The following ZFHX4 variants were observed in gnomAD, a reference collection of about 807,000 sequenced individuals.
ZFHX4 encodes the protein zinc finger homeobox protein 4.
Under a neutral mutation model 267.6 loss-of-function variants are expected in ZFHX4, and 56 were observed. The ratio of observed to expected loss-of-function variants is 0.21; its 90% confidence interval spans 0.17 to 0.26. ZFHX4 has a LOEUF of 0.26. ZFHX4 is among the 10% of genes least tolerant of loss of function. The pLI, the probability that ZFHX4 is intolerant of heterozygous loss-of-function variation, is 1.00. For missense variants in ZFHX4, 4,332 were observed against 4,420.0 expected (o/e 0.98, Z 0.56); for synonymous variants, 1,778 against 1,665.6 (o/e 1.07, Z -1.64).
At chr8:76,814,218 A>G (rs992723387) in intron 4 of ZFHX4, among the ~76,000 whole-genome samples, 4 of 152,188 alleles carry the variant, frequency 2.6e-5, no homozygotes, top group Non-Finnish European at 4.4e-5. Flanking sequence ...TTACAGGTGT[A>G]TACCACCCTG....
chr8:76,858,821 G>A (rs771095066), intron 10 of ZFHX4, among the ~76,000 whole-genome samples: 8 of 152,192 alleles, frequency 5.3e-5, no homozygotes, highest in African/African-American at 9.7e-5. Flanking sequence ...GCCCTGGGCC[G>A]TTGCTACAAT....
intron 3 of ZFHX4, among the ~76,000 whole-genome samples, chr8:76,714,929 A>AT (rs1205868652): frequency 6.6e-5 from 10 of 152,152 alleles, no homozygotes; most frequent in African/African-American, 2.2e-4. Context: ...GTTTCCATGC[A>AT]TTTTTTCAGC....
intron 1 of ZFHX4, among the ~76,000 whole-genome samples, chr8:76,695,181 G>C (rs1807925444): frequency 6.6e-6 from 1 of 152,150 alleles, no homozygotes; most frequent in Non-Finnish European, 1.5e-5. Flanking sequence ...CAGGCTACAG[G>C]CCAGAAACTA....
chr8:76,855,024 A>G lies in ZFHX4; in HGVS notation c.8103A>G (p.Glu2701=), dbSNP rs1812673425. ...ESHIRSRHWN[E]GKQAGYSLPP... is the part of the protein sequence containing the mutation. ...ACATTCGCTCTCGGCACTGGAATGAAGGAAAGCAGGCAGGTTACAGCTTGC... is the reference window on the plus strand; with the variant it reads ...ACATTCGCTCTCGGCACTGGAATGAGGGAAAGCAGGCAGGTTACAGCTTGC... The change falls in exon 10 of 11, where the codon GAA becomes GAG. Residue 2701 remains glutamate, a synonymous_variant. Transcript: ENST00000651372. The G allele has an allele frequency of 2.5e-6, 4 of 1,614,002 alleles. No homozygotes were observed. The East Asian group carries it at 8.9e-5, about 36-fold the overall frequency.
At chr8:76,697,447 C>G (rs1807988625) in intron 1 of ZFHX4, among the ~76,000 whole-genome samples, 1 of 151,938 alleles carries the variant, frequency 6.6e-6, no homozygotes, top group Non-Finnish European at 1.5e-5. Flanking sequence ...ACTACGCACT[C>G]TTAGATATGC....
At chr8:76,775,938 C>T (rs1196659413) in intron 3 of ZFHX4, among the ~76,000 whole-genome samples, 1 of 146,264 alleles carries the variant, frequency 6.8e-6, no homozygotes, top group East Asian at 2.1e-4. Flanking sequence ...CAAATTAAAA[C>T]TCACAGTTGA....
intron 3 of ZFHX4, among the ~76,000 whole-genome samples, chr8:76,774,680 TA>T (rs944802823): frequency 1.3e-5 from 2 of 152,066 alleles, no homozygotes; most frequent in African/African-American, 4.8e-5. Flanking sequence ...TTATGATTTT[TA>T]AAAAAGAATA....
rs1322205968 is a variant in ZFHX4 at position 76,866,125 on chromosome 8, A to G, written c.*1560A>G. On this transcript the variant is annotated 3_prime_UTR_variant, in exon 11 of 11. Transcript: ENST00000651372. ...AAACAATGTGATTCATTCCAAAGTA[A>G]CAGAAGGTTATTTGTAAGAAAGTTA... 6.6e-6 allele frequency: 1 copy of G among 152,654 alleles called. No homozygotes were observed. Among genetic ancestry groups the G allele is most frequent in the Non-Finnish European group, 1.5e-5 (1 of 68,042 alleles). 9.5% of individuals were successfully genotyped at this position (152,654 alleles called of 1,614,324 possible).
chr8:76,729,567 T>A (rs1016429999), intron 3 of ZFHX4, among the ~76,000 whole-genome samples: 2 of 152,310 alleles, frequency 1.3e-5, no homozygotes, highest in Admixed American at 1.3e-4. Context: ...ATTGGAAAAG[T>A]ACTCCCATGA....
At chr8:76,802,746 C>A in intron 4 of ZFHX4, among the ~76,000 whole-genome samples, 1 of 152,138 alleles carries the variant, frequency 6.6e-6, no homozygotes, top group East Asian at 1.9e-4. Flanking sequence ...ACTTTGGATT[C>A]AAGATTATCA....
chr8:76,790,632 T>C (rs1810809987), intron 4 of ZFHX4, among the ~76,000 whole-genome samples: 1 of 152,210 alleles, frequency 6.6e-6, no homozygotes, highest in Admixed American at 6.6e-5. Context: ...AATTATCTTC[T>C]AATGAATCAA....
intron 5 of ZFHX4, chr8:76,834,468 G>A (rs561359257): frequency 6.2e-6 from 1 of 162,256 alleles, no homozygotes; most frequent in Non-Finnish European, 1.4e-5. Flanking sequence ...GTTTTTATTT[G>A]CATTTCCCTG....
chr8:76,808,892 G>A (rs1303507970), intron 4 of ZFHX4, among the ~76,000 whole-genome samples: 1 of 150,030 alleles, frequency 6.7e-6, no homozygotes, highest in Admixed American at 6.6e-5. Flanking sequence ...CTCTGTCTCT[G>A]TCTCTCTCTA....
intron 6 of ZFHX4, among the ~76,000 whole-genome samples, chr8:76,843,647 T>C (rs1198084256): frequency 6.6e-6 from 1 of 152,186 alleles, no homozygotes; most frequent in Non-Finnish European, 1.5e-5. Flanking sequence ...GTTGGACTCA[T>C]TGAAGCAGAA....
intron 1 of ZFHX4, among the ~76,000 whole-genome samples, chr8:76,701,838 C>G (rs75619555): frequency 0.013 from 1,959 of 152,180 alleles, 16 homozygotes; most frequent in Non-Finnish European, 0.02. Context: ...TCATGCCTAG[C>G]AGGTTACCCT....
At chr8:76,683,934 G>A (rs1279977308) in intron 1 of ZFHX4, 1 of 151,786 alleles carries the variant, frequency 6.6e-6, no homozygotes, top group African/African-American at 2.4e-5. Flanking sequence ...TCCATTGAGA[G>A]CAATGCAAAA....
At position 76,863,775 on chromosome 8, in the gene ZFHX4, G is replaced by A. The variant is rs1290926500; in HGVS notation, c.10061G>A (p.Ser3354Asn). Residue 3354 changes from serine to asparagine, a missense_variant, in exon 11 of 11, where the codon AGT becomes AAT. Physicochemically the swap from Ser to Asn is conservative, Grantham distance 46. This residue lies in a region of ZFHX4 where 1,648 missense variants were observed against 1,625.0 expected (regional missense o/e 1.01). Transcript: ENST00000651372. ...PVQAKTSKVE[S>N]DQPQNSNDAS... ...CAGGCAAAGACATCCAAAGTAGAAA[G>A]TGACCAGCCGCAAAACTCCAACGAT... is the stretch of plus-strand genomic sequence containing the variant. The A allele has an allele frequency of 3.2e-6, 5 of 1,552,000 alleles. No individual in the cohort carries two copies. The African/African-American group carries it at 6.8e-5, about 21-fold the overall frequency.
intron 3 of ZFHX4, among the ~76,000 whole-genome samples, chr8:76,716,619 G>T (rs765660521): frequency 3.9e-5 from 6 of 152,066 alleles, no homozygotes; most frequent in Non-Finnish European, 8.8e-5. Flanking sequence ...TGGGAAAGTA[G>T]CCCATTTTCA....
Position 76,828,572 on chromosome 8 carries a change from A to G in ZFHX4, c.3326-4766A>G, listed in dbSNP as rs540282474. Among the ~76,000 whole-genome samples the G allele has an allele frequency of 7.2e-5, 11 of 152,378 alleles. No individual in the cohort carries two copies. In the East Asian group the frequency reaches 1.9e-3, roughly 27 times the overall value. On this transcript the variant is annotated intron_variant, in intron 4 of 10. Transcript: ENST00000651372. ...AGTTTCCAAAAATGATCATTAGTTT[A>G]TAATTAGAGCACTGCTAATATCTTT... is the stretch of plus-strand genomic sequence containing the variant.
Sources: gnomAD v4.1 joint callset for allele counts (sites outside exome capture counted in the v4.1 genomes callset) on GRCh38, gnomAD v4.1.1 for gene constraint, gnomAD v4.1.1 regional missense constraint, MANE v1.5 for transcripts, NCBI Gene and HGNC (gene_info 2026-07-23, HGNC 2026-07-21) for gene names.